Variants in AAMDC observed in about 807,000 individuals in gnomAD.
The protein encoded by AAMDC is mth938 domain-containing protein.
In AAMDC, 16 loss-of-function variants were observed where a neutral mutation model predicts 15.5. The ratio of observed to expected loss-of-function variants is 1.03; its 90% CI spans 0.70 to 1.57. The LOEUF is 1.57. AAMDC is among the 40% of genes most tolerant of loss of function. The pLI, the probability that AAMDC is intolerant of heterozygous loss-of-function variation, is 0.00. For missense variants in AAMDC, 141 were observed against 144.9 expected, an observed-to-expected ratio of 0.97 and a Z score of 0.14; for synonymous variants, 51 against 51.6, an observed-to-expected ratio of 0.99 and a Z score of 0.05.
chr11:77,897,508 AT>A (rs977241174), intron 5 of AAMDC, among the ~76,000 whole-genome samples: 6 of 148,344 alleles, frequency 4.0e-5, no homozygotes, highest in Non-Finnish European at 7.5e-5. Context: ...TATTATTATT[AT>A]TTTTTTTTTG....
intron 1 of AAMDC, among the ~76,000 whole-genome samples, chr11:77,838,154 C>T (rs764475717): frequency 4.5e-4 from 69 of 152,244 alleles, no homozygotes; most frequent in Non-Finnish European, 7.8e-4. Context: ...TTCTAATCGT[C>T]TTTAGTTGGA....
At chr11:77,881,832 A>T (rs1239442313) in intron 5 of AAMDC, among the ~76,000 whole-genome samples, 1 of 152,160 alleles carries the variant, frequency 6.6e-6, no homozygotes, top group Non-Finnish European at 1.5e-5. Context: ...CTATATATAA[A>T]CAATTAAAAC....
chr11:77,842,242 C>G (rs911637067), intron 1 of AAMDC, among the ~76,000 whole-genome samples: 3 of 152,062 alleles, frequency 2.0e-5, no homozygotes, highest in Non-Finnish European at 4.4e-5. Flanking sequence ...TCAAAAATAT[C>G]CTAAGGATTC....
rs562170515 is a variant in AAMDC, at chr11:77,896,742, A to T, written c.329-3829A>T. The stretch of plus-strand genomic sequence containing the variant: ...AAAAGAAAAGGTATAGGAAAAATAG[A>T]TCCAGAAAATCCAACATTTAGTATA... On this transcript the variant is annotated intron_variant, in intron 5 of 5. Transcript: ENST00000304716. Among the ~76,000 whole-genome samples the T allele has an allele frequency of 3.0e-3, 453 of 152,074 alleles. 2 individuals are homozygous for T. Among genetic ancestry groups the T allele is most frequent in the African/African-American group, 0.01 (435 of 41,508 alleles).
At chr11:77,845,829 G>C (rs942058755) in intron 2 of AAMDC, among the ~76,000 whole-genome samples, 1 of 151,982 alleles carries the variant, frequency 6.6e-6, no homozygotes. Flanking sequence ...TTTGAACATG[G>C]TTTCCTTTGG....
At chr11:77,833,009 A>ATATTT (rs372585188) in intron 1 of AAMDC, among the ~76,000 whole-genome samples, 5 of 60,020 alleles carry the variant, frequency 8.3e-5, no homozygotes, top group African/African-American at 3.5e-4. Flanking sequence ...ATATATATAT[A>ATATTT]TTTTTTTTTT....
Position 77,883,842 on chromosome 11 carries a change from G to A in AAMDC, c.328+6793G>A, listed in dbSNP as rs765103267. 6.8e-6 allele frequency: 11 copies of A among 1,612,796 alleles called. No homozygotes were observed. In the East Asian group the frequency reaches 1.3e-4, roughly 20 times the overall value. On this transcript the variant is annotated intron_variant, in intron 5 of 5. Coordinates refer to the AAMDC transcript ENST00000304716. ...GTCCTGACTCCTTACCTGTCCAAGC[G>A]GTGTGGGAGAGATAAACCTGAGTGA...
chr11:77,840,959 C>A (rs1296915381), intron 1 of AAMDC: 1 of 486,842 alleles, frequency 2.1e-6, no homozygotes, highest in Non-Finnish European at 3.7e-6. Flanking sequence ...GCTCCTATAA[C>A]TGAATACCTG....
At chr11:77,890,943 A>G (rs1952235384) in intron 5 of AAMDC, among the ~76,000 whole-genome samples, 1 of 152,212 alleles carries the variant, frequency 6.6e-6, no homozygotes, top group Non-Finnish European at 1.5e-5. Context: ...CGACTGACTC[A>G]TAGCCTGAAA....
intron 2 of AAMDC, among the ~76,000 whole-genome samples, chr11:77,844,505 G>A (rs185561329): frequency 2.8e-4 from 42 of 152,170 alleles, no homozygotes; most frequent in African/African-American, 8.9e-4. Flanking sequence ...AAGGACCACA[G>A]GCATGCAATC....
At chr11:77,832,589 G>A (rs1949484474) in intron 1 of AAMDC, among the ~76,000 whole-genome samples, 1 of 151,808 alleles carries the variant, frequency 6.6e-6, no homozygotes, top group African/African-American at 2.4e-5. Flanking sequence ...GCCTCCCAAA[G>A]TACTGGGATT....
chr11:77,827,743 TA>T (rs1949243831), intron 1 of AAMDC, among the ~76,000 whole-genome samples: 1 of 152,112 alleles, frequency 6.6e-6, no homozygotes, highest in African/African-American at 2.4e-5. Context: ...CACTTACATT[TA>T]ATATTATACT....
At chr11:77,892,345 G>A (rs1952310603) in intron 5 of AAMDC, among the ~76,000 whole-genome samples, 2 of 152,108 alleles carry the variant, frequency 1.3e-5, no homozygotes, top group African/African-American at 4.8e-5. Flanking sequence ...GGCTCAGACT[G>A]ATCCAATTTT....
At chr11:77,897,582 G>C (rs1188865190) in intron 5 of AAMDC, among the ~76,000 whole-genome samples, 3 of 150,526 alleles carry the variant, frequency 2.0e-5, no homozygotes, top group African/African-American at 7.4e-5. Context: ...CTCACTGCAA[G>C]CTCCACCTCC....
intron 5 of AAMDC, among the ~76,000 whole-genome samples, chr11:77,886,885 A>G (rs896169141): frequency 6.6e-6 from 1 of 152,156 alleles, no homozygotes; most frequent in Admixed American, 6.5e-5. Context: ...ACATAAAGAT[A>G]TTCTTTGAAA....
chr11:77,830,625 C>T (rs1016568598), intron 1 of AAMDC, among the ~76,000 whole-genome samples: 18 of 152,152 alleles, frequency 1.2e-4, no homozygotes, highest in African/African-American at 4.1e-4. Flanking sequence ...CTTTTATTCC[C>T]GCGTTTGCCC....
At chr11:77,858,441 T>C (rs759824319) in intron 2 of AAMDC, among the ~76,000 whole-genome samples, 4 of 150,632 alleles carry the variant, frequency 2.7e-5, no homozygotes, top group Non-Finnish European at 5.9e-5. Context: ...CGATAGATGA[T>C]TGGCTATTTC....
chr11:77,885,749 G>A (rs1951978737), intron 5 of AAMDC, among the ~76,000 whole-genome samples: 1 of 152,078 alleles, frequency 6.6e-6, no homozygotes, highest in African/African-American at 2.4e-5. Flanking sequence ...AACCTGGGAG[G>A]CAGAGGTTGC....
At chr11:77,857,982 A>G (rs529843240) in intron 2 of AAMDC, among the ~76,000 whole-genome samples, 13 of 152,142 alleles carry the variant, frequency 8.5e-5, no homozygotes, top group Admixed American at 8.5e-4. Context: ...GCGTGAGCCA[A>G]CGTGCCCGGC....
Sources: gnomAD v4.1 joint callset for allele counts (sites outside exome capture counted in the v4.1 genomes callset) on GRCh38, gnomAD v4.1.1 for gene constraint, MANE v1.5 for transcripts, NCBI Gene and HGNC (gene_info 2026-07-23, HGNC 2026-07-21) for gene names.